TFEB: variants seen among roughly 807,000 people sequenced by gnomAD.
TFEB encodes the protein T-cell transcription factor EB.
Under a neutral mutation model 48.0 loss-of-function variants are expected in TFEB, and 12 were observed. The ratio of observed to expected loss-of-function variants is 0.25; its 90% confidence interval spans 0.16 to 0.40. The LOEUF is 0.40. Ranked by LOEUF, TFEB falls within the 10% of genes least tolerant of loss-of-function variation. TFEB has a pLI of 1.00. For synonymous variants in TFEB, 244 were observed against 261.4 expected (o/e 0.93, Z 0.64); for missense variants, 509 against 640.3 (o/e 0.79, Z 2.21).
At chr6:41,713,045 AGAGG>A in intron 1 of TFEB, among the ~76,000 whole-genome samples, 1 of 152,228 alleles carries the variant, frequency 6.6e-6, no homozygotes, top group East Asian at 1.9e-4. Context: ...CTCTTTGGCC[AGAGG>A]GAGGGTGAAG....
intron 7 of TFEB, 152 bp from the exon 8 acceptor site, chr6:41,686,389 C>A: frequency 2.2e-6 from 2 of 904,210 alleles, no homozygotes; most frequent in South Asian, 1.7e-5. Flanking sequence ...TCAGTTTGCA[C>A]AGAATGGGCC....
intron 1 of TFEB, among the ~76,000 whole-genome samples, chr6:41,719,596 G>A (rs1054455059): frequency 1.5e-4 from 23 of 152,194 alleles, no homozygotes; most frequent in African/African-American, 5.1e-4. Context: ...CCGGCCCAGG[G>A]TCACACGGCA....
rs542384295 is a variant in TFEB, at chr6:41,723,055, C to T, written c.-23+12295G>A. ...CCAGCCCCTAATGTAAATGGGTATT[C>T]ACTGTGGCCTGGCCAGTGACATGCT... On this transcript the variant is annotated intron_variant, in intron 1 of 8. Transcript: ENST00000373033. The surrounding 1 kb of genome is among the most constrained non-coding windows in gnomAD (Gnocchi z 6.0). Among the ~76,000 whole-genome samples the T allele has an allele frequency of 6.6e-6, 1 of 152,250 alleles. No homozygotes were observed. Among genetic ancestry groups the T allele is most frequent in the South Asian group, 2.1e-4 (1 of 4,822 alleles).
intron 1 of TFEB, among the ~76,000 whole-genome samples, chr6:41,715,409 C>T (rs1293581994): frequency 6.6e-6 from 1 of 152,192 alleles, no homozygotes; most frequent in Non-Finnish European, 1.5e-5. Flanking sequence ...GTGGCTGACA[C>T]CTGTCATCCT....
rs375242945 is a variant in TFEB, at chr6:41,684,566, G to C, written c.*33C>G. On this transcript the variant is annotated 3_prime_UTR_variant, in exon 9 of 9. Transcript: ENST00000373033. ...CCCTGGCCCTCCCAGCCCCCAGGCC[G>C]GCCCCTGTTCCCTGGCACAGGGGCA... is the stretch of plus-strand genomic sequence containing the variant. The C allele has an allele frequency of 6.6e-7, 1 of 1,507,072 alleles. No individual in the cohort carries two copies. The highest frequency in any genetic ancestry group is 8.9e-7 in the Non-Finnish European group (1 of 1,129,056). 93.4% of individuals were successfully genotyped at this position (1,507,072 alleles called of 1,614,324 possible).
chr6:41,721,830 G>A (rs1391920967), intron 1 of TFEB, among the ~76,000 whole-genome samples: 9 of 152,222 alleles, frequency 5.9e-5, no homozygotes, highest in Admixed American at 5.9e-4. Flanking sequence ...CCAGGCCTGT[G>A]TGAATCTGAA....
At chr6:41,718,756 C>G (rs180827162) in intron 1 of TFEB, among the ~76,000 whole-genome samples, 88 of 152,018 alleles carry the variant, frequency 5.8e-4, no homozygotes, top group African/African-American at 1.9e-3. Context: ...CTTGGGAAAC[C>G]CTGGAATAGA....
chr6:41,712,751 C>T (rs1770538388), intron 1 of TFEB, among the ~76,000 whole-genome samples: 2 of 152,178 alleles, frequency 1.3e-5, no homozygotes, highest in South Asian at 4.1e-4. Context: ...GCTGTGTGTG[C>T]ACCCAGCGTT....
chr6:41,711,779 G>A (rs1323770850), intron 1 of TFEB, among the ~76,000 whole-genome samples: 1 of 152,238 alleles, frequency 6.6e-6, no homozygotes, highest in African/African-American at 2.4e-5. Flanking sequence ...AAAGGGTCAT[G>A]TCTGGGCACC....
chr6:41,713,702 C>A (rs948941454), intron 1 of TFEB, among the ~76,000 whole-genome samples: 1 of 152,168 alleles, frequency 6.6e-6, no homozygotes, highest in African/African-American at 2.4e-5. Context: ...GGGAGGGCCC[C>A]TTTGCATGAA....
intron 1 of TFEB, chr6:41,733,879 C>T: frequency 2.0e-6 from 2 of 986,012 alleles, no homozygotes; most frequent in African/African-American, 3.5e-5. Flanking sequence ...AACCAGAGAC[C>T]AGCCTCCAAC....
At chr6:41,722,591 A>G (rs1771027130) in intron 1 of TFEB, among the ~76,000 whole-genome samples, 1 of 152,276 alleles carries the variant, frequency 6.6e-6, no homozygotes, top group Non-Finnish European at 1.5e-5. Flanking sequence ...CCCATCTGCA[A>G]AATGGGAATG....
At chr6:41,719,108 T>C (rs60684223) in intron 1 of TFEB, among the ~76,000 whole-genome samples, 6,587 of 152,188 alleles carry the variant, frequency 0.043, 463 homozygotes, top group African/African-American at 0.15. Flanking sequence ...ACTGGATTCT[T>C]ATAGGAGTGC....
intron 1 of TFEB, among the ~76,000 whole-genome samples, chr6:41,706,916 T>C (rs1381328608): frequency 6.6e-6 from 1 of 151,750 alleles, no homozygotes; most frequent in Non-Finnish European, 1.5e-5. Context: ...TAAGAAGCAC[T>C]CTGCCTTTAC....
Position 41,684,963 on chromosome 6 carries a change from G to T in TFEB, c.1067C>A (p.Pro356Gln), listed in dbSNP as rs547336694. Reference protein sequence around the residue: ...VKQELPSEEGPGEALMLGAEV... With the variant: ...VKQELPSEEGQGEALMLGAEV... ...AGCCCCCAGCATCAGGGCCTCCCCT[G>T]GGCCCTCTTCGCTAGGCAGCTCCTG... The change falls in exon 9 of 9, where the codon CCA (proline) becomes CAA (glutamine). Residue 356 changes from proline (P) to glutamine (Q), a missense_variant. Pro to Gln is a moderately conservative substitution (Grantham distance 76). Around this residue, in one of 4 missense-constraint regions of TFEB, gnomAD observed 168 missense variants for 161.0 expected, o/e 1.04. Coordinates refer to ENST00000373033, the MANE Select transcript of TFEB (RefSeq NM_001271944.2). The T allele has an allele frequency of 6.3e-7, 1 of 1,583,600 alleles. No homozygotes were observed. Among genetic ancestry groups the T allele is most frequent in the Non-Finnish European group, 8.6e-7 (1 of 1,165,168 alleles).
intron 1 of TFEB, among the ~76,000 whole-genome samples, chr6:41,702,418 G>T (rs754810697): frequency 6.6e-6 from 1 of 152,216 alleles, no homozygotes; most frequent in African/African-American, 2.4e-5. Flanking sequence ...AGACCATAGT[G>T]AGGTGAGGGT....
chr6:41,687,295 G>T, intron 6 of TFEB, 126 bp from the exon 7 acceptor site: 1 of 813,250 alleles, frequency 1.2e-6, no homozygotes, highest in Non-Finnish European at 2.1e-6. Context: ...GTTCTTCCAG[G>T]AAGTAAGAGG....
intron 1 of TFEB, among the ~76,000 whole-genome samples, chr6:41,700,484 A>G (rs931664106): frequency 8.1e-5 from 12 of 147,714 alleles, no homozygotes; most frequent in Admixed American, 8.1e-4. Context: ...AAAAAAAAAA[A>G]GATCAAGAAA....
Position 41,684,924 on chromosome 6 carries a change from G to A in TFEB, c.1106C>T (p.Pro369Leu). The part of the protein sequence containing the change: ...ALMLGAEVPD[P>L]EPLPALPPQA... ...CGGGGGCAGAGCTGGCAGTGGCTCA[G>A]GGTCAGGGACCTCAGCCCCCAGCAT... is the stretch of plus-strand genomic sequence containing the variant. The change falls in exon 9 of 9, where the codon CCT becomes CTT. Residue 369 changes from proline (P) to leucine (L), a missense_variant. By Grantham distance (98) the Pro-to-Leu change is moderately conservative (BLOSUM62 -3). Coordinates refer to ENST00000373033, the MANE Select transcript of TFEB (RefSeq NM_001271944.2). The A allele has an allele frequency of 6.3e-7, 1 of 1,584,572 alleles. No individual in the cohort carries two copies. Among genetic ancestry groups the A allele is most frequent in the African/African-American group, 1.3e-5 (1 of 74,422 alleles).
Sources: gnomAD v4.1 joint callset for allele counts (sites outside exome capture counted in the v4.1 genomes callset) on GRCh38, gnomAD v4.1.1 for gene constraint, gnomAD v4.1.1 regional missense constraint, Gnocchi (gnomAD v3.1) non-coding constraint, MANE v1.5 for transcripts, NCBI Gene and HGNC (gene_info 2026-07-23, HGNC 2026-07-21) for gene names.